Variants in SLC20A2 observed in about 807,000 individuals in gnomAD.
SLC20A2 encodes sodium-dependent phosphate transporter 2.
Under a neutral mutation model 61.0 loss-of-function variants are expected in SLC20A2, and 30 were observed. That is an observed-to-expected ratio of 0.49 (90% CI 0.37 to 0.67). The LOEUF (loss-of-function observed/expected upper bound fraction) is 0.67, where lower values mean the gene tolerates loss of function less well. SLC20A2 is among the 30% of genes least tolerant of loss of function. The pLI, the probability that SLC20A2 is intolerant of heterozygous loss-of-function variation, is 0.00. For synonymous variants in SLC20A2, 351 were observed against 353.3 expected (o/e 0.99, Z 0.07); for missense variants, 626 against 866.4 (o/e 0.72, Z 3.48).
At chr8:42,458,956 A>G (rs1806457292) in intron 5 of SLC20A2, among the ~76,000 whole-genome samples, 2 of 125,002 alleles carry the variant, frequency 1.6e-5, no homozygotes. Context: ...CCCCCCACAA[A>G]AAACCTCTGA....
chr8:42,491,990 A>G (rs767703017), intron 1 of SLC20A2, among the ~76,000 whole-genome samples: 3 of 152,168 alleles, frequency 2.0e-5, no homozygotes, highest in Non-Finnish European at 4.4e-5. Context: ...TGGGAACAGT[A>G]CTCTATTCAT....
At chr8:42,447,453 A>G (rs370660946) in intron 5 of SLC20A2, among the ~76,000 whole-genome samples, 120 of 152,232 alleles carry the variant, frequency 7.9e-4, no homozygotes, top group East Asian at 2.3e-3. Context: ...CAAGGCGGGC[A>G]GATCACAAGG....
chr8:42,436,438 T>C (rs1476001079), intron 8 of SLC20A2, among the ~76,000 whole-genome samples: 1 of 152,170 alleles, frequency 6.6e-6, no homozygotes, highest in Non-Finnish European at 1.5e-5. Flanking sequence ...TCTTTCCTTC[T>C]TCTCTCACAT....
At chr8:42,456,775 C>T (rs914741852) in intron 5 of SLC20A2, among the ~76,000 whole-genome samples, 1 of 151,722 alleles carries the variant, frequency 6.6e-6, no homozygotes, top group African/African-American at 2.4e-5. Flanking sequence ...AGATATCTCC[C>T]GTTACAGAGT....
upstream of SLC20A2, among the ~76,000 whole-genome samples, chr8:42,505,402 GGA>G (rs1248184934): frequency 6.6e-6 from 1 of 151,998 alleles, no homozygotes; most frequent in East Asian, 1.9e-4. Flanking sequence ...CAAAGTGCTG[GGA>G]TTACAGGCGT....
Position 42,437,869 on chromosome 8 carries a change from C to T in SLC20A2, c.935-292G>A, listed in dbSNP as rs1221580710. On this transcript the variant is annotated intron_variant, in intron 7 of 10. Coordinates refer to ENST00000520262, the MANE Select transcript of SLC20A2 (RefSeq NM_001257180.2). This position sits in a 1 kb window ranked among gnomAD's most constrained non-coding sequence, Gnocchi z 6.4. ...AACCTCATGATCCGCCCACCTTGGCCTCCTAAAGTGCTCGGATTACAAGCG... is the reference window on the plus strand; with the variant it reads ...AACCTCATGATCCGCCCACCTTGGCTTCCTAAAGTGCTCGGATTACAAGCG... 1.3e-5 allele frequency among the ~76,000 whole-genome samples: 2 copies of T among 151,694 alleles called. No homozygotes were observed. The highest frequency in any genetic ancestry group is 2.9e-5 in the Non-Finnish European group (2 of 67,908).
chr8:42,430,400 T>C (rs1803764487), intron 8 of SLC20A2, 151 bp from the exon 9 acceptor site: 4 of 698,004 alleles, frequency 5.7e-6, no homozygotes, highest in Non-Finnish European at 9.1e-6. Flanking sequence ...TCTTGCTCTG[T>C]TGCCCAGGCT....
At chr8:42,528,765 C>T (rs1367572701) in intron 1 of SLC20A2, among the ~76,000 whole-genome samples, 1 of 151,840 alleles carries the variant, frequency 6.6e-6, no homozygotes, top group Non-Finnish European at 1.5e-5. Context: ...CTCCTGGGTT[C>T]AAGCGATTCT....
intron 4 of SLC20A2, among the ~76,000 whole-genome samples, chr8:42,460,681 G>GT (rs1806626657): frequency 6.6e-6 from 1 of 152,108 alleles, no homozygotes; most frequent in South Asian, 2.1e-4. Context: ...CCTAAATCTA[G>GT]TAAGTTCAAC....
At chr8:42,425,275 T>C (rs756160548) in intron 10 of SLC20A2, among the ~76,000 whole-genome samples, 1 of 152,200 alleles carries the variant, frequency 6.6e-6, no homozygotes, top group African/African-American at 2.4e-5. Flanking sequence ...GCAATTCAAC[T>C]ATGACTCTAT....
At chr8:42,448,547 T>C (rs1213357487) in intron 5 of SLC20A2, among the ~76,000 whole-genome samples, 1 of 152,262 alleles carries the variant, frequency 6.6e-6, no homozygotes, top group East Asian at 1.9e-4. Flanking sequence ...GTGCTTCGAC[T>C]TAAGATAATA....
At chr8:42,473,392 C>T (rs1807805082) in intron 1 of SLC20A2, among the ~76,000 whole-genome samples, 1 of 152,064 alleles carries the variant, frequency 6.6e-6, no homozygotes, top group Non-Finnish European at 1.5e-5. Context: ...CTCACAATGC[C>T]CTGGTGTCAC....
intron 1 of SLC20A2, among the ~76,000 whole-genome samples, chr8:42,518,440 T>C (rs998494991): frequency 1.3e-5 from 2 of 152,160 alleles, no homozygotes; most frequent in African/African-American, 2.4e-5. Context: ...CTATGATATA[T>C]TGAGGAGGAA....
intron 5 of SLC20A2, among the ~76,000 whole-genome samples, chr8:42,448,905 A>G (rs1463240603): frequency 6.6e-6 from 1 of 152,144 alleles, no homozygotes; most frequent in Admixed American, 6.5e-5. Flanking sequence ...AAAAAAGTAA[A>G]CTGACAGTTA....
intron 8 of SLC20A2, among the ~76,000 whole-genome samples, chr8:42,432,113 G>A (rs1385103763): frequency 6.6e-6 from 1 of 152,180 alleles, no homozygotes; most frequent in African/African-American, 2.4e-5. Context: ...TCCTCTGATG[G>A]GTCTAGGGAG....
intron 1 of SLC20A2, among the ~76,000 whole-genome samples, chr8:42,507,934 C>T (rs539736914): frequency 2.6e-5 from 4 of 151,438 alleles, no homozygotes; most frequent in South Asian, 2.1e-4. Context: ...CTGAGGCGGG[C>T]GGATCACCTG....
At chr8:42,522,452 G>A (rs953959725) in intron 1 of SLC20A2, among the ~76,000 whole-genome samples, 1,412 of 120,606 alleles carry the variant, frequency 0.012, 449 homozygotes, top group Non-Finnish European at 0.02. Flanking sequence ...GGGCCGAGGC[G>A]GGTGGATCAC....
intron 1 of SLC20A2, among the ~76,000 whole-genome samples, chr8:42,482,815 C>A (rs1475599164): frequency 6.6e-6 from 1 of 152,000 alleles, no homozygotes; most frequent in African/African-American, 2.4e-5. Context: ...CACCTGAGGT[C>A]AGGGGTTTCA....
At chr8:42,449,958 AACATTCACACTTATGTGTGCACAC>A (rs938311915) in intron 5 of SLC20A2, among the ~76,000 whole-genome samples, 2 of 152,210 alleles carry the variant, frequency 1.3e-5, no homozygotes, top group African/African-American at 2.4e-5. Context: ...TCTCATAGTA[AACATTCACACTTATGTGTGCACAC>A]ACATGCACAC....
Sources: gnomAD v4.1 joint callset for allele counts (sites outside exome capture counted in the v4.1 genomes callset) on GRCh38, gnomAD v4.1.1 for gene constraint, Gnocchi (gnomAD v3.1) non-coding constraint, MANE v1.5 for transcripts, NCBI Gene and HGNC (gene_info 2026-07-23, HGNC 2026-07-21) for gene names.